Variants in ZNF311 observed in about 807,000 individuals in gnomAD.
ZNF311 encodes the protein zinc finger protein 311, also known as zinc finger protein zfp31.
Under a neutral mutation model 22.7 loss-of-function variants are expected in ZNF311, and 14 were observed. The ratio of observed to expected loss-of-function variants is 0.62; its 90% CI spans 0.41 to 0.96. ZNF311 has a LOEUF of 0.96. Among genes scored for constraint, ZNF311 ranks in the 40% least tolerant of loss-of-function variants. ZNF311 has a pLI of 0.00. For synonymous variants in ZNF311, 250 were observed against 275.3 expected (o/e 0.91, Z 0.91); for missense variants, 731 against 799.0 (o/e 0.91, Z 1.03).
At position 28,996,231 on chromosome 6, in the gene ZNF311, A is replaced by G. The variant is rs1256347512; in HGVS notation, c.771T>C (p.Ser257=). 6.2e-7 allele frequency: 1 copy of G among 1,613,210 alleles called. No homozygotes were observed. The highest frequency in any genetic ancestry group is 8.5e-7 in the Non-Finnish European group (1 of 1,180,050). The change falls in exon 7 of 7, where the codon AGT becomes AGC. Residue 257 remains serine, a synonymous_variant. Coordinates refer to ENST00000377179, the MANE Select transcript of ZNF311 (RefSeq NM_001382360.1). ...CATGGAGAATTAGATCTGAGTGCCA[A>G]CTGAAGTTTTTGCCACACCTGGCAC... ...HECARCGKNF[S]WHSDLILHEQ...
At chr6:29,001,807 T>C (rs1014086886) in intron 3 of ZNF311, among the ~76,000 whole-genome samples, 2 of 152,244 alleles carry the variant, frequency 1.3e-5, no homozygotes, top group African/African-American at 4.8e-5. Flanking sequence ...ATTTTATTTT[T>C]TGAATCATTT....
At chr6:29,003,680 C>G in intron 2 of ZNF311, 86 bp from the exon 3 acceptor site, 1 of 1,494,524 alleles carries the variant, frequency 6.7e-7, no homozygotes, top group Non-Finnish European at 9.3e-7. Flanking sequence ...ACAGGTCTAT[C>G]CACAGAAACT....
At chr6:28,996,681 C>T in intron 6 of ZNF311, 95 bp from the exon 7 acceptor site, 1 of 1,385,488 alleles carries the variant, frequency 7.2e-7, no homozygotes, top group Non-Finnish European at 9.6e-7. Flanking sequence ...AATAACTTTT[C>T]CATGCTGGAA....
At chr6:29,004,512 C>T (rs1355076545) in intron 1 of ZNF311, among the ~76,000 whole-genome samples, 7 of 38,928 alleles carry the variant, frequency 1.8e-4, no homozygotes, top group Non-Finnish European at 4.0e-5. Flanking sequence ...AGTGCAGTGG[C>T]GCAATCTCGG....
chr6:29,004,834 T>C (rs933303404), intron 1 of ZNF311, among the ~76,000 whole-genome samples, 174 bp downstream of exon 1: 5 of 152,098 alleles, frequency 3.3e-5, no homozygotes, highest in African/African-American at 1.2e-4. Flanking sequence ...TTCCTTCTCT[T>C]TCATCTTAGG....
At position 28,995,098 on chromosome 6, in the gene ZNF311, T is replaced by A; in HGVS notation, c.1904A>T (p.Gln635Leu). 6.2e-7 allele frequency: 1 copy of A among 1,613,828 alleles called. No individual in the cohort carries two copies. Among genetic ancestry groups the A allele is most frequent in the Non-Finnish European group, 8.5e-7 (1 of 1,180,030 alleles). Residue 635 changes from glutamine to leucine, a missense_variant, in exon 7 of 7, where the codon CAA becomes CTA. Gln to Leu is a moderately radical substitution (Grantham distance 113). Coordinates refer to ENST00000377179, the MANE Select transcript of ZNF311 (RefSeq NM_001382360.1). This position sits in a 1 kb window ranked among gnomAD's most constrained non-coding sequence, Gnocchi z 4.7. Reference protein sequence around the residue: ...NLTGHKKRKHQVWSTHELDGS... With the variant: ...NLTGHKKRKHLVWSTHELDGS... ...ATCAAGTTCATGGGTACTCCATACT[T>A]GATGTTTTCTTTTCTTATGTCCAGT... is the stretch of plus-strand genomic sequence containing the variant.
chr6:28,995,475 T>C lies in ZNF311; in HGVS notation c.1527A>G (p.Gln509=). Residue 509 remains glutamine (Q), a synonymous_variant, in exon 7 of 7, where the codon CAA becomes CAG. Transcript: ENST00000377179. The surrounding 1 kb of genome is among the most constrained non-coding windows in gnomAD (Gnocchi z 4.7). ...YQCRDCGKTF[Q]DKHCLTIHQR... ...GATGGATGGTAAGGCAGTGCTTATC[T>C]TGGAAGGTTTTCCCACAATCCCTGC... The C allele has an allele frequency of 6.2e-7, 1 of 1,613,028 alleles. No individual in the cohort carries two copies. Among genetic ancestry groups the C allele is most frequent in the Non-Finnish European group, 8.5e-7 (1 of 1,179,540 alleles).
chr6:28,995,956 T>G lies in ZNF311; in HGVS notation c.1046A>C (p.His349Pro). Reference sequence around the variant, plus strand: ...CTTCTCCCCGGTGTGGATAAGCTGATGCATACAGAGACGGTTCCTGGTCTT... The same window carrying G: ...CTTCTCCCCGGTGTGGATAAGCTGAGGCATACAGAGACGGTTCCTGGTCTT... The part of the protein sequence containing the change: ...AFKTRNRLCM[H>P]QLIHTGEKPY... The change falls in exon 7 of 7, where the codon CAT becomes CCT. Residue 349 changes from histidine (H) to proline (P), a missense_variant. Transcript: ENST00000377179. The surrounding 1 kb of genome is among the most constrained non-coding windows in gnomAD (Gnocchi z 4.7). 5 of 1,613,868 alleles carry G rather than the reference T, an allele frequency of 3.1e-6. No homozygotes were observed. The highest frequency in any genetic ancestry group is 4.2e-6 in the Non-Finnish European group (5 of 1,180,034).
intron 6 of ZNF311, among the ~76,000 whole-genome samples, chr6:28,997,964 A>C (rs1250244644): frequency 6.6e-6 from 1 of 152,138 alleles, no homozygotes. Flanking sequence ...TCATATCATG[A>C]TCTTGCCCCT....
chr6:29,002,620 A>ATTT (rs35452431), intron 3 of ZNF311, among the ~76,000 whole-genome samples: 3 of 132,852 alleles, frequency 2.3e-5, no homozygotes, highest in Admixed American at 7.6e-5. Flanking sequence ...TCCAACAGCA[A>ATTT]TTTTTTTTTT....
rs140407041 is a variant in ZNF311 at position 28,995,316 on chromosome 6, C to T, written c.1686G>A (p.Met562Ile). 47 of 1,614,000 alleles carry T rather than the reference C, an allele frequency of 2.9e-5. No homozygotes were observed. In the African/African-American group the frequency reaches 5.3e-4, roughly 18 times the overall value. Residue 562 changes from methionine to isoleucine, a missense_variant, in exon 7 of 7, where the codon ATG becomes ATA. Physicochemically the swap from Met to Ile is conservative, Grantham distance 10. Transcript: ENST00000377179. The surrounding 1 kb of genome is among the most constrained non-coding windows in gnomAD (Gnocchi z 4.7). Reference sequence around the variant, plus strand: ...TCAGGACTGAACTATGATGGAAGGCCATTCCACATACCTCACATTTGTGAG... The same window carrying T: ...TCAGGACTGAACTATGATGGAAGGCTATTCCACATACCTCACATTTGTGAG... ...EKPHKCEVCG[M>I]AFHHSSVLRQ...
In ZNF311 at chr6:28,996,030, G is replaced by A. The variant is rs764108141; in HGVS notation, c.972C>T (p.Thr324=). The A allele has an allele frequency of 6.2e-7, 1 of 1,613,456 alleles. No individual in the cohort carries two copies. The highest frequency in any genetic ancestry group is 8.5e-7 in the Non-Finnish European group (1 of 1,180,026). ...ACTCGTGAGGCTTCTCCCCACTGTG[G>A]GTTTTTTTATGTCGGCAAAGAGCTG... is the stretch of plus-strand genomic sequence containing the variant. ...SRSALCRHKK[T]HSGEKPHECR... is the part of the protein sequence containing the mutation. Residue 324 remains threonine, a synonymous_variant, in exon 7 of 7, where the codon ACC becomes ACT. Coordinates refer to ENST00000377179, the MANE Select transcript of ZNF311 (RefSeq NM_001382360.1).
In ZNF311 at chr6:28,995,961, A is replaced by G; in HGVS notation, c.1041T>C (p.Cys347=). The G allele has an allele frequency of 6.2e-7, 1 of 1,613,548 alleles. No individual in the cohort carries two copies. The highest frequency in any genetic ancestry group is 8.5e-7 in the Non-Finnish European group (1 of 1,179,956). ...CCCCGGTGTGGATAAGCTGATGCAT[A>G]CAGAGACGGTTCCTGGTCTTGAAGG... The part of the protein sequence containing the change: ...GKAFKTRNRL[C]MHQLIHTGEK... Residue 347 remains cysteine, a synonymous_variant, in exon 7 of 7, where the codon TGT becomes TGC. Coordinates refer to ENST00000377179, the MANE Select transcript of ZNF311 (RefSeq NM_001382360.1). The surrounding 1 kb of genome is among the most constrained non-coding windows in gnomAD (Gnocchi z 4.7).
In ZNF311 at chr6:29,003,571, T is replaced by A; in HGVS notation, c.33A>T (p.Ser11=). 3.7e-6 allele frequency: 6 copies of A among 1,613,058 alleles called. No homozygotes were observed. The highest frequency in any genetic ancestry group is 5.1e-6 in the Non-Finnish European group (6 of 1,180,030). Residue 11 remains serine, a synonymous_variant, in exon 3 of 7, where the codon TCA becomes TCT. Coordinates refer to ENST00000377179, the MANE Select transcript of ZNF311 (RefSeq NM_001382360.1). ...TCCAAAGCAGCTGGCTTGGTGGTCC[T>A]GAACTCTCATCCAACAGCACAACCT... MQEVVLLDES[S]GPPSQLLWTR...
intron 3 of ZNF311, among the ~76,000 whole-genome samples, chr6:29,001,707 A>C (rs1297571134): frequency 6.6e-6 from 1 of 152,234 alleles, no homozygotes; most frequent in East Asian, 1.9e-4. Context: ...TCCATATACC[A>C]ATCACTTACA....
At position 28,995,350 on chromosome 6, in the gene ZNF311, CCAGT is replaced by C. The variant is rs767191948; in HGVS notation, c.1648_1651del (p.Thr550GlufsTer20). Reference sequence around the variant, plus strand: ...TACCTCACATTTGTGAGGCTTCTCTCCAGTGTGAATTCTTCGATGATTGGTCAAG... The same window carrying C: ...TACCTCACATTTGTGAGGCTTCTCTCGTGAATTCTTCGATGATTGGTCAAG... On this transcript the variant is annotated frameshift_variant, in exon 7 of 7. Transcript: ENST00000377179. LOFTEE classifies it low-confidence loss of function (END_TRUNC). This position sits in a 1 kb window ranked among gnomAD's most constrained non-coding sequence, Gnocchi z 4.7. 7.4e-6 allele frequency: 12 copies of C among 1,614,040 alleles called. No individual in the cohort carries two copies. The highest frequency in any genetic ancestry group is 9.3e-6 in the Non-Finnish European group (11 of 1,180,028).
chr6:28,999,776 T>C (rs897081034), intron 4 of ZNF311, 163 bp from the exon 5 acceptor site: 1 of 1,261,044 alleles, frequency 7.9e-7, no homozygotes, highest in East Asian at 2.5e-5. Flanking sequence ...GGGGTTTTGA[T>C]AGCAAAAAAT....
chr6:28,996,788 A>C (rs532017098), intron 6 of ZNF311, among the ~76,000 whole-genome samples: 2 of 152,370 alleles, frequency 1.3e-5, no homozygotes, highest in Admixed American at 1.3e-4. Context: ...AAATCCTTAA[A>C]AACCTATTCC....
chr6:29,004,413 C>G (rs1432445358), intron 1 of ZNF311, among the ~76,000 whole-genome samples, 199 bp from the exon 2 acceptor site: 1 of 151,518 alleles, frequency 6.6e-6, no homozygotes, highest in Admixed American at 6.6e-5. Context: ...TAACTGGTCT[C>G]CTTTCTTCAA....
Sources: gnomAD v4.1 joint callset for allele counts (sites outside exome capture counted in the v4.1 genomes callset) on GRCh38, gnomAD v4.1.1 for gene constraint, Gnocchi (gnomAD v3.1) non-coding constraint, MANE v1.5 for transcripts, NCBI Gene and HGNC (gene_info 2026-07-23, HGNC 2026-07-21) for gene names.